The following TAS2R1 variants were observed in gnomAD, a reference collection of about 807,000 sequenced individuals.
The protein encoded by TAS2R1 is taste receptor type 2 member 1.
For missense variants in TAS2R1, 370 were observed against 353.4 expected, an observed-to-expected ratio of 1.05 and a Z score of -0.38; for synonymous variants, 141 against 134.2, an observed-to-expected ratio of 1.05 and a Z score of -0.35.
chr5:9,629,793 C>A lies in TAS2R1; in HGVS notation c.240G>T (p.Ala80=), dbSNP rs571918935. ...TTATAAATAAGAGAATTGCACAATT[C>A]GCAGAACACATGATGAATTCTATGA... ...IFFIEFIMCS[A]NCAILLFINE... The change falls in exon 1 of 1, where the codon GCG becomes GCT. Residue 80 remains alanine (A), a synonymous_variant. Transcript: ENST00000382492. 6.2e-7 allele frequency: 1 copy of A among 1,613,802 alleles called. No homozygotes were observed. The highest frequency in any genetic ancestry group is 1.1e-5 in the South Asian group (1 of 91,050).
the TAS2R1 span, among the ~76,000 whole-genome samples, chr5:9,826,322 G>A: frequency 2.6e-5 from 4 of 151,996 alleles, no homozygotes; most frequent in Non-Finnish European, 4.4e-5. Flanking sequence ...ATATATTAAT[G>A]TCACTTAAAA....
the TAS2R1 span, among the ~76,000 whole-genome samples, chr5:9,806,865 C>T: frequency 6.6e-6 from 1 of 151,802 alleles, no homozygotes; most frequent in Non-Finnish European, 1.5e-5. Flanking sequence ...GATCAAGAAC[C>T]CAAAAACAAA....
At chr5:9,670,711 T>A (rs1294765527) in intron 1 of TAS2R1, among the ~76,000 whole-genome samples, 1 of 152,160 alleles carries the variant, frequency 6.6e-6, no homozygotes, top group Non-Finnish European at 1.5e-5. Flanking sequence ...CTACCAGATG[T>A]ATAACGAAGA....
chr5:9,729,036 T>A, the TAS2R1 span, among the ~76,000 whole-genome samples: 37,304 of 152,134 alleles, frequency 0.25, 5,578 homozygotes, highest in African/African-American at 0.43. Context: ...AGCATCCAGC[T>A]GTGCCACAGA....
intron 1 of TAS2R1, among the ~76,000 whole-genome samples, chr5:9,661,401 C>T (rs1740528874): frequency 6.6e-6 from 1 of 152,186 alleles, no homozygotes; most frequent in African/African-American, 2.4e-5. Context: ...ATCCTAAACA[C>T]AATCCTGAAG....
chr5:9,873,695 C>T, the TAS2R1 span, among the ~76,000 whole-genome samples: 13,981 of 151,484 alleles, frequency 0.092, 798 homozygotes, highest in Middle Eastern at 0.15. Flanking sequence ...GGTGAAACCC[C>T]GTCTCTACTA....
the TAS2R1 span, among the ~76,000 whole-genome samples, chr5:9,752,501 T>C: frequency 1.3e-5 from 2 of 152,142 alleles, no homozygotes; most frequent in Admixed American, 6.5e-5. Flanking sequence ...GCCCCTCACA[T>C]TGTTTTTATG....
At chr5:9,891,754 C>A in the TAS2R1 span, among the ~76,000 whole-genome samples, 1 of 152,218 alleles carries the variant, frequency 6.6e-6, no homozygotes, top group East Asian at 1.9e-4. Context: ...ACTCGTATTA[C>A]ACCCAGTACC....
chr5:9,688,566 C>CATTATCAAAGTGCA (rs1420707829), intron 1 of TAS2R1, among the ~76,000 whole-genome samples: 9 of 152,116 alleles, frequency 5.9e-5, no homozygotes, highest in Non-Finnish European at 1.5e-5. Context: ...GCTCTGTGTG[C>CATTATCAAAGTGCA]TTGGTCAAAG....
chr5:9,641,288 A>G (rs949772500), intron 2 of TAS2R1: 1 of 152,238 alleles, frequency 6.6e-6, no homozygotes, highest in Non-Finnish European at 1.5e-5. Context: ...TGTTTTAACT[A>G]GCTTGGGGAG....
At chr5:9,764,528 C>T in the TAS2R1 span, among the ~76,000 whole-genome samples, 1 of 152,274 alleles carries the variant, frequency 6.6e-6, no homozygotes, top group East Asian at 1.9e-4. Context: ...CAGCTTACAG[C>T]TCGGATCTAG....
At chr5:9,765,345 A>G in the TAS2R1 span, 1 of 152,228 alleles carries the variant, frequency 6.6e-6, no homozygotes, top group Non-Finnish European at 1.5e-5. Flanking sequence ...AGATAATAAC[A>G]TATGCCCCCT....
the TAS2R1 span, among the ~76,000 whole-genome samples, chr5:9,769,001 G>A: frequency 6.6e-6 from 1 of 152,028 alleles, no homozygotes; most frequent in Admixed American, 6.6e-5. Context: ...ATTATCAAAT[G>A]CTAGATCTTA....
At chr5:9,654,590 G>A (rs1740372155) in intron 2 of TAS2R1, among the ~76,000 whole-genome samples, 1 of 152,096 alleles carries the variant, frequency 6.6e-6, no homozygotes, top group Admixed American at 6.5e-5. Context: ...AGTCCAGAAA[G>A]GAAAAAATGT....
chr5:9,754,110 A>T, the TAS2R1 span, among the ~76,000 whole-genome samples: 1 of 152,232 alleles, frequency 6.6e-6, no homozygotes, highest in African/African-American at 2.4e-5. Context: ...AATATATGCA[A>T]ATCAATAAAC....
At chr5:9,632,208 A>G (rs367548623), upstream of TAS2R1, among the ~76,000 whole-genome samples, 1 of 152,242 alleles carries the variant, frequency 6.6e-6, no homozygotes, top group Non-Finnish European at 1.5e-5. Context: ...TTATGTTGAT[A>G]CTAAACTGTG....
At chr5:9,680,792 C>T (rs1740978926) in intron 1 of TAS2R1, among the ~76,000 whole-genome samples, 1 of 152,146 alleles carries the variant, frequency 6.6e-6, no homozygotes, top group South Asian at 2.1e-4. Flanking sequence ...GTGGCTCACG[C>T]CTGTAATCTT....
rs117232505 is a variant in TAS2R1, at chr5:9,629,014, G to A, written c.*119C>T. 1,315 of 1,070,938 alleles carry A rather than the reference G, an allele frequency of 1.2e-3. 31 individuals are homozygous for A. The East Asian group carries it at 0.028, about 23-fold the overall frequency. The allele number at this position is 1,070,938 out of a possible 1,614,324, so 66.3% of individuals were successfully genotyped here. A position where few individuals can be genotyped will look rare whatever the true frequency, so the allele number is the denominator to read the frequency against. ...AGAAATACCTCAGGCTGGATAAACA[G>A]GCCTGAAGGGGACATGTTGTATATT... is the stretch of plus-strand genomic sequence containing the variant. On this transcript the variant is annotated 3_prime_UTR_variant, in exon 1 of 1. Coordinates refer to ENST00000382492, the MANE Select transcript of TAS2R1 (RefSeq NM_019599.3).
chr5:9,751,168 A>T, the TAS2R1 span, among the ~76,000 whole-genome samples: 1 of 151,294 alleles, frequency 6.6e-6, no homozygotes, highest in Non-Finnish European at 1.5e-5. Context: ...CTATCTCATT[A>T]GATCTGCTAA....
Sources: allele counts gnomAD v4.1 joint callset (sites outside exome capture counted in the v4.1 genomes callset), GRCh38; gene constraint gnomAD v4.1.1; transcripts MANE v1.5; gene names NCBI Gene and HGNC (gene_info 2026-07-23, HGNC 2026-07-21).